The following NEMF variants were observed in gnomAD, a reference collection of about 807,000 sequenced individuals.
NEMF encodes ribosome quality control complex subunit NEMF.
A neutral mutation model predicts 162.2 loss-of-function variants in NEMF; 89 were observed. The observed-to-expected ratio is 0.55, with a 90% CI of 0.46 to 0.65. The LOEUF is 0.65. Ranked by LOEUF, NEMF falls within the 30% of genes least tolerant of loss-of-function variation. NEMF has a pLI of 0.00. For synonymous variants in NEMF, 421 were observed against 404.5 expected (o/e 1.04, Z -0.49); for missense variants, 1,133 against 1,261.9 (o/e 0.90, Z 1.55).
rs146943011 is a variant in NEMF, at chr14:49,800,631, T to C, written c.2161A>G (p.Met721Val). 3.7e-5 allele frequency: 60 copies of C among 1,611,912 alleles called. No homozygotes were observed. The African/African-American group carries it at 6.1e-4, about 16-fold the overall frequency. ...EHETPVEVEL[M>V]TQVDQEDITL... Reference sequence around the variant, plus strand: ...ATATCCTCTTGGTCAACCTGAGTCATGAGTTCTACTTCCACAGGAGTTTCA... The same window carrying C: ...ATATCCTCTTGGTCAACCTGAGTCACGAGTTCTACTTCCACAGGAGTTTCA... The change falls in exon 23 of 33, where the codon ATG becomes GTG. Residue 721 changes from methionine to valine, a missense_variant. By Grantham distance (21) the Met-to-Val change is conservative. Transcript: ENST00000298310.
chr14:49,843,303 G>A (rs1411215662), intron 4 of NEMF, among the ~76,000 whole-genome samples: 3 of 152,036 alleles, frequency 2.0e-5, no homozygotes, highest in Admixed American at 6.6e-5. Context: ...AGGTCAGCCT[G>A]GGCAACGAAG....
chr14:49,787,179 C>G (rs1450237784), intron 28 of NEMF: 1 of 164,572 alleles, frequency 6.1e-6, no homozygotes, highest in Non-Finnish European at 1.3e-5. Flanking sequence ...AAATTTTTCC[C>G]ATATCCCATA....
intron 18 of NEMF, among the ~76,000 whole-genome samples, chr14:49,808,478 T>A (rs1284558103): frequency 6.6e-6 from 1 of 152,118 alleles, no homozygotes; most frequent in African/African-American, 2.4e-5. Context: ...CCGGGCTGAA[T>A]TAAGGTTTTT....
intron 15 of NEMF, among the ~76,000 whole-genome samples, 176 bp downstream of exon 15, chr14:49,828,115 T>G (rs895580428): frequency 6.6e-6 from 1 of 152,112 alleles, no homozygotes; most frequent in African/African-American, 2.4e-5. Context: ...TGAGGAAGAA[T>G]AGGGGAGGAG....
Position 49,846,102 on chromosome 14 carries a change from G to C in NEMF, c.357+38C>G, listed in dbSNP as rs773952624. 9.5e-6 allele frequency: 15 copies of C among 1,583,756 alleles called. No homozygotes were observed. The South Asian group carries it at 1.6e-4, about 17-fold the overall frequency. Reference sequence around the variant, plus strand: ...AGCACTATTACAAAATGATTAATAAGAAATTTTCCTTCACCATATCCCACA... The same window carrying C: ...AGCACTATTACAAAATGATTAATAACAAATTTTCCTTCACCATATCCCACA... On this transcript the variant is annotated intron_variant, in intron 4 of 32. Transcript: ENST00000298310.
intron 10 of NEMF, among the ~76,000 whole-genome samples, chr14:49,831,759 C>G (rs1421787402): frequency 3.3e-5 from 5 of 152,158 alleles, no homozygotes; most frequent in African/African-American, 1.2e-4. Context: ...TTTTAGATTC[C>G]ATTGTGTTTC....
rs10709782 is a variant in NEMF at position 49,822,934 on chromosome 14, A to AT, written c.1577+2932dup. On this transcript the variant is annotated intron_variant, in intron 16 of 32. Transcript: ENST00000298310. Reference sequence around the variant, plus strand: ...TAGCATTATCAGAGTCCCCTTAGAGATTTTTTTTTTTTTTTTTTTGGAGAA... The same window carrying AT: ...TAGCATTATCAGAGTCCCCTTAGAGATTTTTTTTTTTTTTTTTTTTGGAGAA... 5.6e-3 allele frequency among the ~76,000 whole-genome samples: 648 copies of AT among 115,634 alleles called. 8 individuals carry two copies. The highest frequency in any genetic ancestry group is 0.02 in the African/African-American group (611 of 31,046). The allele number at this position is 115,634 out of a possible 152,430, so 75.9% of individuals were successfully genotyped here. A position where few individuals can be genotyped will look rare whatever the true frequency, so the allele number is the denominator to read the frequency against.
intron 5 of NEMF, chr14:49,839,306 C>A (rs1391846596): frequency 6.6e-6 from 1 of 151,902 alleles, no homozygotes. Context: ...GGTCTGAACT[C>A]CTGACCTCAG....
At chr14:49,848,562 T>A (rs1893623011) in intron 3 of NEMF, among the ~76,000 whole-genome samples, 1 of 151,908 alleles carries the variant, frequency 6.6e-6, no homozygotes. Flanking sequence ...ACGGTCTGGG[T>A]ATGGCAGCTC....
intron 29 of NEMF, chr14:49,786,010 G>A (rs1262355428): frequency 2.0e-5 from 3 of 152,672 alleles, no homozygotes; most frequent in South Asian, 2.1e-4. Flanking sequence ...ATGGAAATGG[G>A]ACTAATACCT....
At chr14:49,809,435 G>C (rs1372795127) in intron 18 of NEMF, among the ~76,000 whole-genome samples, 1 of 152,192 alleles carries the variant, frequency 6.6e-6, no homozygotes, top group Non-Finnish European at 1.5e-5. Context: ...GGTTGTCGGG[G>C]GTTGGGGGAA....
chr14:49,836,089 G>A (rs773269670), intron 6 of NEMF, among the ~76,000 whole-genome samples: 4 of 152,146 alleles, frequency 2.6e-5, no homozygotes, highest in Non-Finnish European at 5.9e-5. Context: ...AGACCAGCCT[G>A]GCCAAGAAGG....
rs111909058 is a variant in NEMF, at chr14:49,790,502, A to G, written c.2620-929T>C. On this transcript the variant is annotated intron_variant, in intron 26 of 32. Coordinates refer to ENST00000298310, the MANE Select transcript of NEMF (RefSeq NM_004713.6). ...GCATATACACACTTAAATGACTGAA[A>G]AAAGAAAACAATACCAAGTGTTACT... Among the ~76,000 whole-genome samples the G allele has an allele frequency of 7.2e-4, 110 of 152,350 alleles. 1 individual carries two copies. Among genetic ancestry groups the G allele is most frequent in the African/African-American group, 2.5e-3 (102 of 41,576 alleles).
At chr14:49,843,446 A>C (rs1893315181) in intron 4 of NEMF, among the ~76,000 whole-genome samples, 1 of 152,198 alleles carries the variant, frequency 6.6e-6, no homozygotes, top group Admixed American at 6.6e-5. Flanking sequence ...GTAAGCCCTG[A>C]TCATGCCACT....
At chr14:49,795,101 G>A (rs555082944) in intron 26 of NEMF, among the ~76,000 whole-genome samples, 1 of 152,144 alleles carries the variant, frequency 6.6e-6, no homozygotes, top group African/African-American at 2.4e-5. Context: ...TTGGGAGGGT[G>A]AGGCAGGAAG....
intron 15 of NEMF, among the ~76,000 whole-genome samples, chr14:49,826,743 T>G (rs1006071677): frequency 6.6e-6 from 1 of 152,156 alleles, no homozygotes; most frequent in Non-Finnish European, 1.5e-5. Context: ...TCTACTTTCA[T>G]GCAATCTATA....
rs753703131 is a variant in NEMF, at chr14:49,829,342, A to G, written c.1023+7T>C. The stretch of plus-strand genomic sequence containing the variant: ...TGAAAAAGCACTGAGAAAGCCAAAC[A>G]TAATACCTGAGCCTGCTGAAGAGCT... On this transcript the variant is annotated splice_region_variant and intron_variant, in intron 12 of 32. Coordinates refer to ENST00000298310, the MANE Select transcript of NEMF (RefSeq NM_004713.6). The G allele has an allele frequency of 2.5e-6, 4 of 1,614,098 alleles. No homozygotes were observed. The highest frequency in any genetic ancestry group is 2.2e-5 in the East Asian group (1 of 44,874).
rs1890346242 is a variant in NEMF, at chr14:49,789,583, CAGA to C, written c.2620-13_2620-11del. 6.2e-7 allele frequency: 1 copy of C among 1,602,210 alleles called. No homozygotes were observed. The highest frequency in any genetic ancestry group is 1.8e-5 in the Admixed American group (1 of 56,872). On this transcript the variant is annotated splice_polypyrimidine_tract_variant and intron_variant, in intron 26 of 32. Coordinates refer to ENST00000298310, the MANE Select transcript of NEMF (RefSeq NM_004713.6). ...TTTTTTTCATTTTACTCTACAAAATCAGAAGATTTTGGTTGGAAATATTCAGCA... is the reference window on the plus strand; with the variant it reads ...TTTTTTTCATTTTACTCTACAAAATCAGATTTTGGTTGGAAATATTCAGCA...
intron 6 of NEMF, among the ~76,000 whole-genome samples, chr14:49,837,646 A>G: frequency 6.6e-6 from 1 of 151,994 alleles, no homozygotes; most frequent in East Asian, 1.9e-4. Flanking sequence ...GGAAGAGTTA[A>G]CTCTCTAGTG....
Sources: gnomAD v4.1 joint callset for allele counts (sites outside exome capture counted in the v4.1 genomes callset) on GRCh38, gnomAD v4.1.1 for gene constraint, MANE v1.5 for transcripts, NCBI Gene and HGNC (gene_info 2026-07-23, HGNC 2026-07-21) for gene names.